XKR9: variants seen among roughly 807,000 people sequenced by gnomAD.
XKR9 encodes the protein XK related 9.
XKR9 carries 32 observed loss-of-function variants against 32.0 expected under a neutral mutation model. The observed-to-expected ratio is 1.00, with a 90% CI of 0.76 to 1.34. The LOEUF (loss-of-function observed/expected upper bound fraction) is 1.34, where lower values mean the gene tolerates loss of function less well. XKR9 is among the 40% of genes most tolerant of loss of function. XKR9 has a pLI of 0.00. For synonymous variants in XKR9, 168 were observed against 143.4 expected, an observed-to-expected ratio of 1.17 and a Z score of -1.22; for missense variants, 546 against 429.7, an observed-to-expected ratio of 1.27 and a Z score of -2.39.
At chr8:70,699,361 C>G (rs1805423474) in intron 3 of XKR9, among the ~76,000 whole-genome samples, 1 of 151,952 alleles carries the variant, frequency 6.6e-6, no homozygotes, top group Non-Finnish European at 1.5e-5. Context: ...TTTAGGAGCT[C>G]TTTTAGGGCA....
At chr8:70,777,283 A>G (rs1238079917) in intron 2 of XKR9, among the ~76,000 whole-genome samples, 1 of 152,080 alleles carries the variant, frequency 6.6e-6, no homozygotes, top group East Asian at 1.9e-4. Flanking sequence ...AAAAGACATG[A>G]ACTCATCCTT....
chr8:70,904,739 G>A, the XKR9 span, among the ~76,000 whole-genome samples: 1 of 152,210 alleles, frequency 6.6e-6, no homozygotes, highest in African/African-American at 2.4e-5. Context: ...ATTTTGGCAT[G>A]TTTTTGGAGT....
chr8:70,844,229 G>C, the XKR9 span, among the ~76,000 whole-genome samples: 854 of 152,326 alleles, frequency 5.6e-3, 7 homozygotes, highest in East Asian at 0.019. Flanking sequence ...TTGCAGCTGA[G>C]GGCCAAAGTG....
the XKR9 span, among the ~76,000 whole-genome samples, chr8:71,065,775 C>T: frequency 6.6e-6 from 1 of 152,152 alleles, no homozygotes; most frequent in Non-Finnish European, 1.5e-5. Flanking sequence ...CTTAGTTTCC[C>T]AATTTCCAAA....
At chr8:70,860,301 A>G in the XKR9 span, among the ~76,000 whole-genome samples, 22 of 152,092 alleles carry the variant, frequency 1.4e-4, no homozygotes, top group Admixed American at 2.6e-4. Flanking sequence ...ATAAGAAGCC[A>G]GTGAGCTAGC....
chr8:70,713,149 A>G (rs575476161), intron 4 of XKR9, among the ~76,000 whole-genome samples: 2 of 152,192 alleles, frequency 1.3e-5, no homozygotes, highest in Non-Finnish European at 2.9e-5. Context: ...AAATTCAGGA[A>G]TTGAAAGGAA....
At chr8:70,803,787 G>A in the XKR9 span, among the ~76,000 whole-genome samples, 1 of 152,190 alleles carries the variant, frequency 6.6e-6, no homozygotes, top group South Asian at 2.1e-4. Flanking sequence ...GGCAGGGACT[G>A]CATTTTGTGG....
the XKR9 span, among the ~76,000 whole-genome samples, chr8:70,811,234 G>T: frequency 2.0e-5 from 3 of 151,970 alleles, no homozygotes; most frequent in Non-Finnish European, 4.4e-5. Context: ...GATGTTCTTT[G>T]AAACCAATGA....
Position 70,733,904 on chromosome 8 carries a change from C to G in XKR9, c.602C>G (p.Pro201Arg). ...AAAAAGCTTCTTAATGGATTATGTC[C>G]CAAAATCACATATCTCTTTTACAAG... Reference protein sequence around the residue: ...PDKKLLNGLCPKITYLFYKLF... With the variant: ...PDKKLLNGLCRKITYLFYKLF... Residue 201 changes from proline (P) to arginine (R), a missense_variant, in exon 5 of 5, where the codon CCC (proline) becomes CGC (arginine). Transcript: ENST00000408926. The G allele has an allele frequency of 6.2e-7, 1 of 1,612,414 alleles. No homozygotes were observed. Among genetic ancestry groups the G allele is most frequent in the Non-Finnish European group, 8.5e-7 (1 of 1,179,564 alleles).
chr8:70,923,550 GC>G, the XKR9 span, among the ~76,000 whole-genome samples: 1 of 152,236 alleles, frequency 6.6e-6, no homozygotes, highest in African/African-American at 2.4e-5. Flanking sequence ...TCTGAGAGTT[GC>G]CCTAGCAAGG....
the XKR9 span, among the ~76,000 whole-genome samples, chr8:70,963,461 A>G: frequency 9.9e-5 from 15 of 152,182 alleles, no homozygotes; most frequent in Non-Finnish European, 2.1e-4. Context: ...AGACTAATTT[A>G]TATTCCTTTG....
the XKR9 span, among the ~76,000 whole-genome samples, chr8:71,009,329 G>GTTTTGTT: frequency 3.5e-4 from 54 of 152,266 alleles, 1 homozygote; most frequent in Non-Finnish European, 4.7e-4. Flanking sequence ...TATGTGTTTT[G>GTTTTGTT]TTTTGTTTTT....
chr8:70,818,451 T>A, the XKR9 span, among the ~76,000 whole-genome samples: 2 of 152,214 alleles, frequency 1.3e-5, no homozygotes, highest in Non-Finnish European at 2.9e-5. Flanking sequence ...AACTTCATGA[T>A]TGTAGATATT....
chr8:70,715,579 C>T (rs567321164), intron 4 of XKR9, among the ~76,000 whole-genome samples: 1 of 151,674 alleles, frequency 6.6e-6, no homozygotes, highest in South Asian at 2.1e-4. Flanking sequence ...AGAGAAATCA[C>T]CAAAGAATAA....
intron 2 of XKR9, among the ~76,000 whole-genome samples, chr8:70,676,183 A>AGAGTAGTGGGG (rs1818881041): frequency 6.6e-6 from 1 of 152,170 alleles, no homozygotes. Context: ...AGCAAAAAAG[A>AGAGTAGTGGGG]GAGTAGTGGG....
the XKR9 span, among the ~76,000 whole-genome samples, chr8:71,032,716 T>C: frequency 6.6e-6 from 1 of 152,192 alleles, no homozygotes; most frequent in Non-Finnish European, 1.5e-5. Context: ...GTAAAGCACT[T>C]CATATGAAAG....
At chr8:70,752,716 A>G (rs973447360) in intron 2 of XKR9, among the ~76,000 whole-genome samples, 1 of 152,216 alleles carries the variant, frequency 6.6e-6, no homozygotes, top group African/African-American at 2.4e-5. Flanking sequence ...GGTTTCATCC[A>G]ACGAGAACAA....
chr8:70,991,789 A>G, the XKR9 span, among the ~76,000 whole-genome samples: 4 of 152,260 alleles, frequency 2.6e-5, no homozygotes, highest in East Asian at 3.8e-4. Context: ...ATAAAAAACT[A>G]CAAGTAATAT....
At chr8:70,764,281 AC>A (rs1258068469) in intron 2 of XKR9, among the ~76,000 whole-genome samples, 2 of 152,172 alleles carry the variant, frequency 1.3e-5, no homozygotes. Context: ...TTTGTCTTGC[AC>A]AGCAGTTTTG....
Sources: allele counts gnomAD v4.1 joint callset (sites outside exome capture counted in the v4.1 genomes callset), GRCh38; gene constraint gnomAD v4.1.1; transcripts MANE v1.5; gene names NCBI Gene and HGNC (gene_info 2026-07-23, HGNC 2026-07-21).